DYNC2H1: variants seen among roughly 807,000 people sequenced by gnomAD.
The protein encoded by DYNC2H1 is dynein cytoplasmic 2 heavy chain 1, also known as cytoplasmic dynein 2 heavy chain 1.
Under a neutral mutation model 570.0 loss-of-function variants are expected in DYNC2H1, and 410 were observed. The observed-to-expected ratio is 0.72, with a 90% CI of 0.66 to 0.78. The LOEUF (loss-of-function observed/expected upper bound fraction) is 0.78. DYNC2H1 is among the 30% of genes least tolerant of loss of function. DYNC2H1 has a pLI of 0.00. For synonymous variants in DYNC2H1, 1,688 were observed against 1,677.6 expected (o/e 1.01, Z -0.15); for missense variants, 4,865 against 5,046.4 (o/e 0.96, Z 1.09).
Position 103,177,468 on chromosome 11 carries a change from A to C in DYNC2H1, c.5875-88A>C. The C allele has an allele frequency of 7.4e-7, 1 of 1,342,954 alleles. No individual in the cohort carries two copies. The allele number at this position is 1,342,954 out of a possible 1,614,324, so 83.2% of individuals were successfully genotyped here. A position where few individuals can be genotyped will look rare whatever the true frequency, so the allele number is the denominator to read the frequency against. ...TGAAGAAATCAAAGGCTTAATTTAC[A>C]CATTAGAACAAGTGTTACAGAATAA... On this transcript the variant is annotated intron_variant, in intron 37 of 88. Transcript: ENST00000375735. The surrounding 1 kb of genome is among the most constrained non-coding windows in gnomAD (Gnocchi z 4.4).
In DYNC2H1 at chr11:103,109,449, C is replaced by G. The variant is rs1480931277; in HGVS notation, c.-126C>G. The stretch of plus-strand genomic sequence containing the variant: ...CCATAGCGACTACCCCTGGCAACCG[C>G]GAAGCTCTGCGGTCCCGCGGTCGGG... On this transcript the variant is annotated 5_prime_UTR_variant, in exon 1 of 89. Transcript: ENST00000375735. The G allele has an allele frequency of 3.1e-6, 3 of 953,018 alleles. No homozygotes were observed. The highest frequency in any genetic ancestry group is 5.5e-5 in the East Asian group (2 of 36,680). 59.0% of individuals were successfully genotyped at this position (953,018 alleles called of 1,614,324 possible).
At chr11:103,210,087 A>T in intron 53 of DYNC2H1, 127 bp downstream of exon 53, 1 of 1,124,426 alleles carries the variant, frequency 8.9e-7, no homozygotes, top group South Asian at 2.1e-5. Context: ...ACAAAATTAG[A>T]TTTCTTCTGA....
chr11:103,469,332 A>T (rs998768884), intron 88 of DYNC2H1, among the ~76,000 whole-genome samples: 1 of 152,236 alleles, frequency 6.6e-6, no homozygotes, highest in Non-Finnish European at 1.5e-5. Flanking sequence ...TGTCTTTCAA[A>T]TAGGACATAG....
In DYNC2H1 at chr11:103,192,141, T is replaced by C. The variant is rs910525153; in HGVS notation, c.7585T>C (p.Tyr2529His). The C allele has an allele frequency of 6.4e-6, 10 of 1,558,186 alleles. No homozygotes were observed. The Admixed American group carries it at 7.5e-5, about 12-fold the overall frequency. ...PLDYVLEIVAYEARRLFRDKI... is the reference protein window; with the variant it reads ...PLDYVLEIVAHEARRLFRDKI... Reference sequence around the variant, plus strand: ...AGATTATGTGTTAGAAATTGTAGCATATGAGGCACGGCGCTTATTTCGTGA... The same window carrying C: ...AGATTATGTGTTAGAAATTGTAGCACATGAGGCACGGCGCTTATTTCGTGA... The change falls in exon 47 of 89, where the codon TAT (tyrosine) becomes CAT (histidine). Residue 2529 changes from tyrosine to histidine, a missense_variant. Physicochemically the swap from Tyr to His is moderately conservative, Grantham distance 83. This residue lies in a region of DYNC2H1 where 2,401 missense variants were observed against 2,454.6 expected (regional missense o/e 0.98). Coordinates refer to ENST00000375735, the MANE Select transcript of DYNC2H1 (RefSeq NM_001377.3).
At chr11:103,313,364 A>G (rs887014435) in intron 79 of DYNC2H1, among the ~76,000 whole-genome samples, 2 of 152,178 alleles carry the variant, frequency 1.3e-5, no homozygotes, top group Non-Finnish European at 2.9e-5. Flanking sequence ...CATGGCAGTC[A>G]TATCTGGTAC....
intron 84 of DYNC2H1, among the ~76,000 whole-genome samples, chr11:103,417,826 A>G (rs1199755715): frequency 1.4e-4 from 21 of 152,058 alleles, no homozygotes; most frequent in Admixed American, 1.4e-3. Flanking sequence ...CAGTGAGCCA[A>G]GATTGCACCA....
rs943647013 is a variant in DYNC2H1 at position 103,239,327 on chromosome 11, A to G, written c.9819+2788A>G. 7.9e-5 allele frequency among the ~76,000 whole-genome samples: 12 copies of G among 152,186 alleles called. No individual in the cohort carries two copies. The highest frequency in any genetic ancestry group is 2.6e-4 in the Admixed American group (4 of 15,260). On this transcript the variant is annotated intron_variant, in intron 63 of 88. Coordinates refer to ENST00000375735, the MANE Select transcript of DYNC2H1 (RefSeq NM_001377.3). This position sits in a 1 kb window ranked among gnomAD's most constrained non-coding sequence, Gnocchi z 4.3. ...TTATAATGGTAAATTTACAACTTTA[A>G]AGTTAACTTCTCCACATAGGAAAAA...
At position 103,205,918 on chromosome 11, in the gene DYNC2H1, T is replaced by C. The variant is rs963357592; in HGVS notation, c.8454+954T>C. Among the ~76,000 whole-genome samples, 1 of 152,202 alleles carries C rather than the reference T, an allele frequency of 6.6e-6. No homozygotes were observed. Among genetic ancestry groups the C allele is most frequent in the Non-Finnish European group, 1.5e-5 (1 of 68,036 alleles). ...TGGGGCTTTGTAAGCTACTACACTC[T>C]ATAGGATTTCAGCTTTTCCTGAGAA... On this transcript the variant is annotated intron_variant, in intron 52 of 88. Coordinates refer to ENST00000375735, the MANE Select transcript of DYNC2H1 (RefSeq NM_001377.3). The surrounding 1 kb of genome is among the most constrained non-coding windows in gnomAD (Gnocchi z 4.5).
chr11:103,155,647 T>A, intron 25 of DYNC2H1, 146 bp downstream of exon 25: 1 of 785,954 alleles, frequency 1.3e-6, no homozygotes, highest in Non-Finnish European at 1.9e-6. Flanking sequence ...TCATTTTACA[T>A]AAAATACATA....
intron 38 of DYNC2H1, among the ~76,000 whole-genome samples, chr11:103,178,412 A>G (rs912741441): frequency 8.5e-5 from 13 of 152,056 alleles, no homozygotes; most frequent in African/African-American, 2.9e-4. Context: ...TTCTTTTTCT[A>G]TATAATACCA....
At chr11:103,374,945 T>C (rs932539260) in intron 83 of DYNC2H1, among the ~76,000 whole-genome samples, 1 of 152,124 alleles carries the variant, frequency 6.6e-6, no homozygotes, top group African/African-American at 2.4e-5. Context: ...GGGGAAAATA[T>C]CTCGAGGGCA....
chr11:103,279,077 A>T (rs1866026074), intron 70 of DYNC2H1, among the ~76,000 whole-genome samples: 1 of 152,204 alleles, frequency 6.6e-6, no homozygotes, highest in South Asian at 2.1e-4. Context: ...AAAGATGAAA[A>T]CATCAAATCT....
At chr11:103,306,861 G>C (rs1009465121) in intron 77 of DYNC2H1, among the ~76,000 whole-genome samples, 2 of 152,148 alleles carry the variant, frequency 1.3e-5, no homozygotes, top group African/African-American at 4.8e-5. Context: ...CCAGGTTCTG[G>C]TTACCTACAG....
intron 75 of DYNC2H1, 152 bp downstream of exon 75, chr11:103,287,757 A>G (rs1407998698): frequency 1.4e-6 from 1 of 710,836 alleles, no homozygotes; most frequent in Admixed American, 3.4e-5. Flanking sequence ...CCTGTTTTAG[A>G]AAAATAATTC....
chr11:103,148,053 C>T (rs561326634), intron 19 of DYNC2H1, among the ~76,000 whole-genome samples, 166 bp downstream of exon 19: 1 of 152,220 alleles, frequency 6.6e-6, no homozygotes, highest in African/African-American at 2.4e-5. Flanking sequence ...CTAATGAAGA[C>T]ATCTTTATTA....
At chr11:103,110,840 C>T (rs377757837) in intron 1 of DYNC2H1, among the ~76,000 whole-genome samples, 4 of 148,466 alleles carry the variant, frequency 2.7e-5, no homozygotes, top group Admixed American at 2.0e-4. Context: ...TTTTTTTAGA[C>T]GCAGTTCGCA....
Position 103,172,692 on chromosome 11 carries a change from G to T in DYNC2H1, c.5335-390G>T, listed in dbSNP as rs183924117. Among the ~76,000 whole-genome samples, 8 of 152,102 alleles carry T rather than the reference G, an allele frequency of 5.3e-5. 1 individual carries two copies. In the East Asian group the frequency reaches 1.4e-3, roughly 26 times the overall value. On this transcript the variant is annotated intron_variant, in intron 34 of 88. Transcript: ENST00000375735. ...CAGATAGACTCTGAGCTCCAGAGTG[G>T]CTTAAAGTATTATTTAGTTCAGTTG... is the stretch of plus-strand genomic sequence containing the variant.
intron 6 of DYNC2H1, 139 bp downstream of exon 6, chr11:103,118,002 G>C (rs1858503728): frequency 1.6e-6 from 1 of 634,876 alleles, no homozygotes; most frequent in Non-Finnish European, 2.4e-6. Context: ...TAAAGTTCTT[G>C]TTGGGCCAGT....
chr11:103,355,581 C>A (rs961643687), intron 82 of DYNC2H1, among the ~76,000 whole-genome samples: 2 of 152,126 alleles, frequency 1.3e-5, no homozygotes, highest in Non-Finnish European at 2.9e-5. Flanking sequence ...TAGTGTCTTA[C>A]AATAAAACAT....
Sources: gnomAD v4.1 joint callset for allele counts (sites outside exome capture counted in the v4.1 genomes callset) on GRCh38, gnomAD v4.1.1 for gene constraint, gnomAD v4.1.1 regional missense constraint, Gnocchi (gnomAD v3.1) non-coding constraint, MANE v1.5 for transcripts, NCBI Gene and HGNC (gene_info 2026-07-23, HGNC 2026-07-21) for gene names.